Variants in CECR2 observed in about 807,000 individuals in gnomAD.
CECR2 encodes the protein chromatin remodeling regulator CECR2.
In CECR2, 30 loss-of-function variants were observed where a neutral mutation model predicts 154.5. That is an observed-to-expected ratio of 0.19 (90% CI 0.15 to 0.26). The LOEUF is 0.26. CECR2 is among the 10% of genes least tolerant of loss of function. The pLI, the probability that CECR2 is intolerant of heterozygous loss-of-function variation, is 1.00. For synonymous variants in CECR2, 725 were observed against 683.7 expected, an observed-to-expected ratio of 1.06 and a Z score of -0.94; for missense variants, 1,743 against 1,829.3, an observed-to-expected ratio of 0.95 and a Z score of 0.86.
chr22:17,394,197 CTTTTTTTTTTTT>C lies in CECR2; in HGVS notation c.126+24303_126+24314del, dbSNP rs71200271. On this transcript the variant is annotated intron_variant, in intron 1 of 18. Coordinates refer to ENST00000262608, the MANE Select transcript of CECR2 (RefSeq NM_001290047.2). ...CCACCGCGCCCAGCTGCTGCCGCTG[CTTTTTTTTTTTT>C]TTTTTTTTTTTTTTAAGACGGTTTC... Among the ~76,000 whole-genome samples, 208 of 97,094 alleles carry C rather than the reference CTTTTTTTTTTTT, an allele frequency of 2.1e-3. 3 individuals carry two copies. The highest frequency in any genetic ancestry group is 2.6e-3 in the Non-Finnish European group (127 of 49,362). The allele number at this position is 97,094 out of a possible 152,430, so 63.7% of individuals were successfully genotyped here. A position where few individuals can be genotyped will look rare whatever the true frequency, so the allele number is the denominator to read the frequency against.
At chr22:17,441,052 G>T (rs913215603) in intron 1 of CECR2, among the ~76,000 whole-genome samples, 16 of 152,044 alleles carry the variant, frequency 1.1e-4, no homozygotes, top group Non-Finnish European at 2.1e-4. Flanking sequence ...GGGTTCAAGT[G>T]ATTGTCCTGC....
At chr22:17,367,668 T>C (rs763153427), upstream of CECR2, among the ~76,000 whole-genome samples, 18 of 152,268 alleles carry the variant, frequency 1.2e-4, no homozygotes, top group East Asian at 3.5e-3. Flanking sequence ...ATTACAGGCG[T>C]AAGCCACCGC....
intron 9 of CECR2, chr22:17,524,805 A>AG (rs1167907277): frequency 2.8e-6 from 1 of 354,370 alleles, no homozygotes; most frequent in Non-Finnish European, 5.7e-6. Flanking sequence ...CCGAGTAGCT[A>AG]GGACTATAGG....
At chr22:17,385,981 A>C (rs1161538870) in intron 1 of CECR2, among the ~76,000 whole-genome samples, 1 of 152,212 alleles carries the variant, frequency 6.6e-6, no homozygotes, top group Non-Finnish European at 1.5e-5. Context: ...GAATGATGGA[A>C]TAACAGTGCC....
At chr22:17,394,651 G>A (rs544431120) in intron 1 of CECR2, among the ~76,000 whole-genome samples, 1 of 152,178 alleles carries the variant, frequency 6.6e-6, no homozygotes, top group East Asian at 1.9e-4. Context: ...GGGTCCCTTT[G>A]GAATCAGTTT....
chr22:17,435,191 T>TTTTCTTTC (rs201386773), intron 1 of CECR2, among the ~76,000 whole-genome samples: 4 of 151,776 alleles, frequency 2.6e-5, no homozygotes, highest in African/African-American at 9.7e-5. Flanking sequence ...CTCCAAAGTT[T>TTTTCTTTC]TTTCTTTCTT....
chr22:17,501,059 T>C (rs776731883), intron 5 of CECR2, among the ~76,000 whole-genome samples: 1 of 152,236 alleles, frequency 6.6e-6, no homozygotes, highest in Non-Finnish European at 1.5e-5. Context: ...TGGGGGATTT[T>C]CTTTTATATG....
chr22:17,404,364 C>CTTTCTTT (rs1223769308), intron 1 of CECR2, among the ~76,000 whole-genome samples: 1 of 59,608 alleles, frequency 1.7e-5, no homozygotes, highest in Non-Finnish European at 3.2e-5. Flanking sequence ...GGACCCTGTT[C>CTTTCTTT]TTTCTTTTTT....
intron 5 of CECR2, among the ~76,000 whole-genome samples, 154 bp from the exon 6 acceptor site, chr22:17,502,928 T>G (rs2055765172): frequency 1.3e-5 from 2 of 152,234 alleles, no homozygotes; most frequent in African/African-American, 4.8e-5. Flanking sequence ...TAGTGTTCAT[T>G]TATTCAGCGT....
chr22:17,548,410 A>G lies in CECR2; in HGVS notation c.3123A>G (p.Arg1041=). ...YPGPAAQGCV[R]DLSTVADRGA... ...GCCCAGCCGCCCAAGGGTGCGTGAGAGACCTCTCCACGGTGGCAGACAGGG... is the reference window on the plus strand; with the variant it reads ...GCCCAGCCGCCCAAGGGTGCGTGAGGGACCTCTCCACGGTGGCAGACAGGG... The change falls in exon 17 of 19, where the codon AGA becomes AGG. Residue 1041 remains arginine, a synonymous_variant. Transcript: ENST00000262608. 6.2e-7 allele frequency: 1 copy of G among 1,613,976 alleles called. No homozygotes were observed. The highest frequency in any genetic ancestry group is 8.5e-7 in the Non-Finnish European group (1 of 1,179,868).
chr22:17,536,754 T>A (rs145432428), intron 9 of CECR2, among the ~76,000 whole-genome samples: 128 of 152,204 alleles, frequency 8.4e-4, no homozygotes, highest in African/African-American at 2.8e-3. Context: ...GAGAAGATAG[T>A]CCTCATTCAA....
At chr22:17,497,700 CT>C (rs2055656376) in intron 3 of CECR2, 114 bp downstream of exon 3, 1 of 985,192 alleles carries the variant, frequency 1.0e-6, no homozygotes, top group Middle Eastern at 2.9e-4. Context: ...TGGTACTAGT[CT>C]TGGTACTATT....
upstream of CECR2, among the ~76,000 whole-genome samples, chr22:17,368,809 G>GC (rs1250025319): frequency 2.6e-5 from 4 of 152,038 alleles, no homozygotes; most frequent in African/African-American, 9.7e-5. Flanking sequence ...TTCCCGCTTG[G>GC]CTGCTGATTG....
intron 2 of CECR2, among the ~76,000 whole-genome samples, chr22:17,490,147 T>TG (rs1555917191): frequency 0.099 from 14,786 of 149,722 alleles, 1,054 homozygotes; most frequent in East Asian, 0.41. Flanking sequence ...TGTTTTTTTT[T>TG]TGTGTGTGTG....
Position 17,436,889 on chromosome 22 carries a change from G to C in CECR2, c.127-40699G>C, listed in dbSNP as rs550840084. 3.3e-5 allele frequency among the ~76,000 whole-genome samples: 5 copies of C among 152,356 alleles called. No individual in the cohort carries two copies. In the South Asian group the frequency reaches 8.3e-4, roughly 25 times the overall value. On this transcript the variant is annotated intron_variant, in intron 1 of 18. Transcript: ENST00000262608. Reference sequence around the variant, plus strand: ...GGCCTGAATCAGCAATCTTTAGGCAGGAACTGGGGGTGGGGAAAAGGATTT... The same window carrying C: ...GGCCTGAATCAGCAATCTTTAGGCACGAACTGGGGGTGGGGAAAAGGATTT...
intron 1 of CECR2, among the ~76,000 whole-genome samples, chr22:17,457,756 T>G (rs776892630): frequency 2.6e-5 from 4 of 152,188 alleles, no homozygotes; most frequent in Non-Finnish European, 5.9e-5. Flanking sequence ...AACCCAGATG[T>G]CCTTCAGTTG....
In CECR2 at chr22:17,550,013, ATGT is replaced by A. The variant is rs569339561; in HGVS notation, c.4277+453_4277+455del. 4.3e-3 allele frequency among the ~76,000 whole-genome samples: 650 copies of A among 152,058 alleles called. 5 individuals carry two copies. Among genetic ancestry groups the A allele is most frequent in the African/African-American group, 0.015 (612 of 41,472 alleles). ...AACAAAAAAAATATGTGAATTATTG[ATGT>A]TGTACACTCTGTAGGAAGGTATTAA... On this transcript the variant is annotated intron_variant, in intron 17 of 18. Transcript: ENST00000262608.
chr22:17,482,833 A>G (rs946141541), intron 2 of CECR2, among the ~76,000 whole-genome samples: 6 of 144,020 alleles, frequency 4.2e-5, no homozygotes, highest in African/African-American at 1.3e-4. Context: ...GGTGCCCACC[A>G]CCACACCTTG....
At chr22:17,483,982 T>G (rs2055375044) in intron 2 of CECR2, among the ~76,000 whole-genome samples, 1 of 152,212 alleles carries the variant, frequency 6.6e-6, no homozygotes, top group South Asian at 2.1e-4. Context: ...ATCCTTAACA[T>G]TCCATTACAG....
Sources: gnomAD v4.1 joint callset for allele counts (sites outside exome capture counted in the v4.1 genomes callset) on GRCh38, gnomAD v4.1.1 for gene constraint, MANE v1.5 for transcripts, NCBI Gene and HGNC (gene_info 2026-07-23, HGNC 2026-07-21) for gene names.